AXL: variants seen among roughly 807,000 people sequenced by gnomAD.
The protein encoded by AXL is tyrosine-protein kinase receptor UFO.
A neutral mutation model predicts 104.5 loss-of-function variants in AXL; 52 were observed. That is an observed-to-expected ratio of 0.50 (90% CI 0.40 to 0.63). The LOEUF is 0.63. Ranked by LOEUF, AXL falls within the 20% of genes least tolerant of loss-of-function variation. The pLI, the probability that AXL is intolerant of heterozygous loss-of-function variation, is 0.00. For missense variants in AXL, 1,024 were observed against 1,188.5 expected (o/e 0.86, Z 2.04); for synonymous variants, 455 against 473.7 (o/e 0.96, Z 0.51).
rs139425206 is a variant in AXL, at chr19:41,233,957, C to G, written c.783+2659C>G. Among the ~76,000 whole-genome samples the G allele has an allele frequency of 8.9e-3, 1,353 of 152,146 alleles. 9 individuals are homozygous for G. The highest frequency in any genetic ancestry group is 0.031 in the Middle Eastern group (9 of 294). The stretch of plus-strand genomic sequence containing the variant: ...GTTCCAGTGGGAGGGTCACAGCCGT[C>G]CCAGGGAAAAGAGAAGTGGGAGCAG... On this transcript the variant is annotated intron_variant, in intron 6 of 19. Transcript: ENST00000301178.
At chr19:41,253,984 G>A (rs992434255) in intron 17 of AXL, among the ~76,000 whole-genome samples, 8 of 151,988 alleles carry the variant, frequency 5.3e-5, no homozygotes, top group South Asian at 2.1e-4. Flanking sequence ...TGAGGTGACC[G>A]ATGGGGGTGG....
At chr19:41,253,408 C>A (rs908948651) in intron 16 of AXL, among the ~76,000 whole-genome samples, 191 bp from the exon 17 acceptor site, 2 of 152,034 alleles carry the variant, frequency 1.3e-5, no homozygotes, top group African/African-American at 4.8e-5. Flanking sequence ...AGAACATAGG[C>A]AATCAAGTCC....
intron 8 of AXL, 59 bp from the exon 9 acceptor site, chr19:41,239,105 T>C (rs186877057): frequency 1.3e-6 from 2 of 1,594,442 alleles, no homozygotes; most frequent in South Asian, 1.1e-5. Flanking sequence ...AGCCCGAGAG[T>C]GAAGGCTTAA....
In AXL at chr19:41,242,892, C is replaced by A. The variant is rs372019655; in HGVS notation, c.1322C>A (p.Pro441His). Residue 441 changes from proline to histidine, a missense_variant, in exon 11 of 20, where the codon CCT (proline) becomes CAT (histidine). Around this residue, in one of 5 missense-constraint regions of AXL, gnomAD observed 523 missense variants for 636.0 expected, o/e 0.82. Coordinates refer to ENST00000301178, the MANE Select transcript of AXL (RefSeq NM_021913.5). ...TCATACCCCCTGATAGTGAAGGAAC[C>A]TTCAACTCCTGCCTTCTCGTGGCCC... The part of the protein sequence containing the change: ...AQPVHQLVKE[P>H]STPAFSWPWW... The A allele has an allele frequency of 3.7e-6, 6 of 1,614,080 alleles. No homozygotes were observed. The highest frequency in any genetic ancestry group is 4.2e-6 in the Non-Finnish European group (5 of 1,180,036).
chr19:41,244,756 G>T (rs890337044), intron 12 of AXL, among the ~76,000 whole-genome samples: 1 of 152,084 alleles, frequency 6.6e-6, no homozygotes, highest in Non-Finnish European at 1.5e-5. Flanking sequence ...CTCCCAAAGT[G>T]CTGGGATAAC....
intron 1 of AXL, among the ~76,000 whole-genome samples, chr19:41,219,696 G>T (rs896652338): frequency 8.1e-5 from 12 of 148,846 alleles, no homozygotes; most frequent in African/African-American, 2.2e-4. Context: ...GGGCAGGGGG[G>T]ACAGAAGAGA....
At position 41,238,024 on chromosome 19, in the gene AXL, C is replaced by G. The variant is rs113249799; in HGVS notation, c.864C>G (p.Ser288=). 6.2e-7 allele frequency: 1 copy of G among 1,613,916 alleles called. No individual in the cohort carries two copies. The highest frequency in any genetic ancestry group is 8.5e-7 in the Non-Finnish European group (1 of 1,179,964). ...AGGAGCCCCTCACCTCGCAAGCATC[C>G]GTGCCCCCCCATCAGCTTCGGCTAG... ...PPEEPLTSQA[S]VPPHQLRLGS... Residue 288 remains serine (S), a synonymous_variant, in exon 7 of 20, where the codon TCC becomes TCG. Transcript: ENST00000301178.
At chr19:41,241,403 G>A (rs1286639627) in intron 10 of AXL, among the ~76,000 whole-genome samples, 3 of 151,936 alleles carry the variant, frequency 2.0e-5, no homozygotes, top group African/African-American at 7.3e-5. Context: ...AATTAGCTGG[G>A]CCTGGTGGTG....
At chr19:41,253,185 A>G (rs2034394656) in intron 16 of AXL, among the ~76,000 whole-genome samples, 1 of 152,162 alleles carries the variant, frequency 6.6e-6, no homozygotes. Context: ...GTAGGATGGA[A>G]GATAAGGAGG....
chr19:41,251,453 T>C (rs1387832273), intron 14 of AXL, among the ~76,000 whole-genome samples: 2 of 151,722 alleles, frequency 1.3e-5, no homozygotes, highest in African/African-American at 4.8e-5. Context: ...TCCCAGCTAC[T>C]CGGGAGGCTG....
intron 2 of AXL, 74 bp downstream of exon 2, chr19:41,220,932 C>T (rs2033779794): frequency 1.3e-6 from 2 of 1,529,750 alleles, no homozygotes; most frequent in Admixed American, 3.7e-5. Flanking sequence ...TGGGTGGGAA[C>T]CCCAGTTTGA....
chr19:41,239,050 A>G, intron 8 of AXL, 114 bp from the exon 9 acceptor site: 1 of 1,198,058 alleles, frequency 8.3e-7, no homozygotes, highest in South Asian at 1.4e-5. Context: ...AAGGATGAGG[A>G]GTTGGAGGAT....
At chr19:41,220,097 G>A (rs1390102092) in intron 1 of AXL, among the ~76,000 whole-genome samples, 1 of 151,756 alleles carries the variant, frequency 6.6e-6, no homozygotes, top group East Asian at 1.9e-4. Flanking sequence ...GCCTCCCTCT[G>A]TGACTGTATC....
intron 17 of AXL, among the ~76,000 whole-genome samples, chr19:41,256,080 G>GGTGTGTGTGTGT (rs71177704): frequency 0.011 from 1,624 of 150,612 alleles, 19 homozygotes; most frequent in African/African-American, 0.028. Context: ...TGGTTACATG[G>GGTGTGTGTGTGT]GTGTGTGTGT....
intron 6 of AXL, among the ~76,000 whole-genome samples, chr19:41,231,696 G>A (rs1055294745): frequency 2.0e-5 from 3 of 152,138 alleles, no homozygotes; most frequent in African/African-American, 7.2e-5. Flanking sequence ...GGAGGCCGAG[G>A]TGGGCGGATC....
At chr19:41,226,337 A>T (rs2033880726) in intron 4 of AXL, among the ~76,000 whole-genome samples, 1 of 151,984 alleles carries the variant, frequency 6.6e-6, no homozygotes, top group African/African-American at 2.4e-5. Context: ...GCTGGACCCG[A>T]CCCAGGCTCC....
intron 4 of AXL, among the ~76,000 whole-genome samples, chr19:41,229,288 G>A (rs1423171847): frequency 1.3e-5 from 2 of 151,360 alleles, no homozygotes; most frequent in East Asian, 1.9e-4. Flanking sequence ...TTTTGAGACA[G>A]GGTCTCACTC....
chr19:41,248,525 G>A lies in AXL; in HGVS notation c.1549G>A (p.Gly517Ser), dbSNP rs35538872. 6.3e-3 allele frequency: 10,125 copies of A among 1,614,188 alleles called. 45 individuals carry two copies. Among genetic ancestry groups the A allele is most frequent in the Non-Finnish European group, 7.7e-3 (9,103 of 1,180,036 alleles). ...AACCTTGCATGCAGTGAACAGCCTG[G>A]GCATCAGTGAAGAGCTGAAGGAGAA... ...RTTEATLNSL[G>S]ISEELKEKLR... The change falls in exon 13 of 20, where the codon GGC becomes AGC. Residue 517 changes from glycine (G) to serine (S), a missense_variant. Physicochemically the swap from Gly to Ser is moderately conservative, Grantham distance 56. This residue lies in a region of AXL where 523 missense variants were observed against 636.0 expected (regional missense o/e 0.82). Transcript: ENST00000301178.
At chr19:41,237,122 G>A (rs899086605) in intron 6 of AXL, among the ~76,000 whole-genome samples, 2 of 152,102 alleles carry the variant, frequency 1.3e-5, no homozygotes, top group African/African-American at 2.4e-5. Context: ...GACCCTTCCA[G>A]TCCCCAAGAA....
Sources: gnomAD v4.1 joint callset for allele counts (sites outside exome capture counted in the v4.1 genomes callset) on GRCh38, gnomAD v4.1.1 for gene constraint, gnomAD v4.1.1 regional missense constraint, MANE v1.5 for transcripts, NCBI Gene and HGNC (gene_info 2026-07-23, HGNC 2026-07-21) for gene names.